The following INPP4B variants were observed in gnomAD, a reference collection of about 807,000 sequenced individuals.
INPP4B encodes the protein inositol polyphosphate 4-phosphatase type II.
INPP4B carries 55 observed loss-of-function variants against 122.5 expected under a neutral mutation model. The observed-to-expected ratio is 0.45, with a 90% CI of 0.36 to 0.56. The LOEUF (loss-of-function observed/expected upper bound fraction) is 0.56. Ranked by LOEUF, INPP4B falls within the 20% of genes least tolerant of loss-of-function variation. INPP4B has a pLI of 0.00. For synonymous variants in INPP4B, 403 were observed against 388.7 expected (o/e 1.04, Z -0.43); for missense variants, 1,000 against 1,097.7 (o/e 0.91, Z 1.26).
chr4:142,558,601 T>G (rs1243046346), intron 2 of INPP4B, among the ~76,000 whole-genome samples: 19 of 151,594 alleles, frequency 1.3e-4, no homozygotes, highest in Admixed American at 1.3e-3. Context: ...GAAATCTCAG[T>G]GGGTTAACAC....
intron 2 of INPP4B, among the ~76,000 whole-genome samples, chr4:142,653,411 T>C (rs187883953): frequency 4.3e-4 from 65 of 151,964 alleles, no homozygotes; most frequent in African/African-American, 1.4e-3. Flanking sequence ...CACGGCAAAA[T>C]AAAATACCAT....
At chr4:142,195,991 C>T (rs1838036063) in intron 14 of INPP4B, among the ~76,000 whole-genome samples, 2 of 152,110 alleles carry the variant, frequency 1.3e-5, no homozygotes, top group African/African-American at 4.8e-5. Flanking sequence ...TCTATTCATC[C>T]ACCTCACTGC....
chr4:142,051,001 A>C (rs1400705573), intron 25 of INPP4B, among the ~76,000 whole-genome samples: 1 of 151,992 alleles, frequency 6.6e-6, no homozygotes, highest in African/African-American at 2.4e-5. Flanking sequence ...TTCCAAACTT[A>C]TTTATTCCCT....
chr4:142,664,774 A>G (rs767788174), intron 2 of INPP4B, among the ~76,000 whole-genome samples: 20 of 152,242 alleles, frequency 1.3e-4, no homozygotes, highest in Admixed American at 3.9e-4. Flanking sequence ...AGATGTCTAA[A>G]GTAAGAAATT....
intron 2 of INPP4B, among the ~76,000 whole-genome samples, chr4:142,492,422 T>A (rs927611534): frequency 1.3e-5 from 2 of 152,120 alleles, no homozygotes; most frequent in Admixed American, 1.3e-4. Context: ...AGTTTGGAAC[T>A]TCCTAGAGAC....
At chr4:142,320,397 A>G (rs1447095499) in intron 7 of INPP4B, among the ~76,000 whole-genome samples, 2 of 152,242 alleles carry the variant, frequency 1.3e-5, no homozygotes, top group Non-Finnish European at 2.9e-5. Flanking sequence ...GAACGATCTT[A>G]GAATTCCACC....
intron 1 of INPP4B, among the ~76,000 whole-genome samples, chr4:142,736,046 G>A (rs1766832884): frequency 6.6e-6 from 1 of 151,362 alleles, no homozygotes. Flanking sequence ...CATTGCCAAA[G>A]TCAAATTCTG....
intron 1 of INPP4B, among the ~76,000 whole-genome samples, chr4:142,819,799 C>T (rs568767386): frequency 1.3e-5 from 2 of 152,070 alleles, no homozygotes; most frequent in African/African-American, 4.8e-5. Context: ...CACACACACA[C>T]GGTTCATAGG....
At chr4:142,387,408 A>C (rs553417630) in intron 7 of INPP4B, among the ~76,000 whole-genome samples, 311 of 152,062 alleles carry the variant, frequency 2.0e-3, no homozygotes, top group African/African-American at 7.2e-3. Flanking sequence ...TCTTACAGAA[A>C]GGGTAAAATC....
intron 1 of INPP4B, among the ~76,000 whole-genome samples, chr4:142,761,022 T>G (rs1029238684): frequency 6.6e-6 from 1 of 152,164 alleles, no homozygotes; most frequent in Admixed American, 6.6e-5. Context: ...TATTTCTTAT[T>G]TATTTGTATT....
intron 7 of INPP4B, among the ~76,000 whole-genome samples, chr4:142,382,151 C>T (rs1468534628): frequency 6.6e-6 from 1 of 152,068 alleles, no homozygotes; most frequent in Non-Finnish European, 1.5e-5. Context: ...TCTATTTGTA[C>T]TTTTCTTTCA....
chr4:142,374,198 G>T (rs1790991956), intron 7 of INPP4B, among the ~76,000 whole-genome samples: 1 of 151,820 alleles, frequency 6.6e-6, no homozygotes, highest in Admixed American at 6.6e-5. Context: ...GTAAAGTAAG[G>T]CTCTCAGTGC....
intron 2 of INPP4B, among the ~76,000 whole-genome samples, chr4:142,649,060 G>T (rs971720917): frequency 2.0e-5 from 3 of 152,312 alleles, no homozygotes; most frequent in Admixed American, 6.5e-5. Context: ...GCCTCTGCTG[G>T]TGATACCCAG....
chr4:142,289,759 T>C (rs1229202751), intron 9 of INPP4B, among the ~76,000 whole-genome samples: 1 of 152,302 alleles, frequency 6.6e-6, no homozygotes, highest in Non-Finnish European at 1.5e-5. Context: ...CCAATCTTTC[T>C]CTTAAAACCT....
At chr4:142,754,847 A>C (rs28715927) in intron 1 of INPP4B, among the ~76,000 whole-genome samples, 1,627 of 152,146 alleles carry the variant, frequency 0.011, 35 homozygotes, top group African/African-American at 0.037. Context: ...CTTTTTGTGT[A>C]TTCACATTAG....
intron 24 of INPP4B, among the ~76,000 whole-genome samples, chr4:142,085,132 G>T (rs1006146434): frequency 2.6e-5 from 4 of 152,196 alleles, no homozygotes; most frequent in African/African-American, 9.7e-5. Flanking sequence ...CTCCAAGAAG[G>T]CAGGAAGGGA....
intron 16 of INPP4B, among the ~76,000 whole-genome samples, chr4:142,164,630 T>C (rs1175034611): frequency 1.3e-5 from 2 of 151,734 alleles, no homozygotes; most frequent in Non-Finnish European, 3.0e-5. Flanking sequence ...CACATAATCA[T>C]TTTTCCTAGT....
At chr4:142,252,120 A>G (rs1732470598) in intron 11 of INPP4B, among the ~76,000 whole-genome samples, 1 of 152,064 alleles carries the variant, frequency 6.6e-6, no homozygotes, top group South Asian at 2.1e-4. Flanking sequence ...CTCATAGCAC[A>G]TGTCAGAGGA....
chr4:142,208,286 G>T, intron 14 of INPP4B, 139 bp downstream of exon 14: 1 of 428,090 alleles, frequency 2.3e-6, no homozygotes. Context: ...ACAGAATTTA[G>T]GGTCATTATG....
Sources: allele counts gnomAD v4.1 joint callset (sites outside exome capture counted in the v4.1 genomes callset), GRCh38; gene constraint gnomAD v4.1.1; transcripts MANE v1.5; gene names NCBI Gene and HGNC (gene_info 2026-07-23, HGNC 2026-07-21).